Variants in TMTC1 observed in about 807,000 individuals in gnomAD.
TMTC1 encodes the protein protein O-mannosyl-transferase TMTC1.
In TMTC1, 73 loss-of-function variants were observed where a neutral mutation model predicts 104.8. The ratio of observed to expected loss-of-function variants is 0.70; its 90% CI spans 0.58 to 0.85. The LOEUF (loss-of-function observed/expected upper bound fraction) is 0.85, where lower values mean the gene tolerates loss of function less well. TMTC1 is among the 40% of genes least tolerant of loss of function. The pLI is 0.00. For synonymous variants in TMTC1, 434 were observed against 428.7 expected (o/e 1.01, Z -0.15); for missense variants, 1,035 against 1,096.1 (o/e 0.94, Z 0.79).
At chr12:29,589,120 C>T (rs543680855) in intron 7 of TMTC1, among the ~76,000 whole-genome samples, 9 of 152,326 alleles carry the variant, frequency 5.9e-5, no homozygotes, top group African/African-American at 1.7e-4. Context: ...ATTTACTGAG[C>T]GTGAGAAGAA....
intron 7 of TMTC1, among the ~76,000 whole-genome samples, chr12:29,592,918 T>C (rs749478952): frequency 1.1e-4 from 16 of 152,166 alleles, no homozygotes; most frequent in South Asian, 6.2e-4. Context: ...GAAACAGACA[T>C]GTCAAAACCA....
intron 9 of TMTC1, among the ~76,000 whole-genome samples, chr12:29,565,036 A>G (rs912300813): frequency 1.3e-5 from 2 of 152,148 alleles, no homozygotes; most frequent in African/African-American, 2.4e-5. Flanking sequence ...AAGCAACAGG[A>G]TGTGTATATT....
chr12:29,557,608 C>T (rs892712074), intron 9 of TMTC1, among the ~76,000 whole-genome samples: 6 of 152,192 alleles, frequency 3.9e-5, no homozygotes, highest in African/African-American at 1.4e-4. Context: ...CGCCACCACG[C>T]CCAGTTAATT....
chr12:29,740,945 A>G lies in TMTC1; in HGVS notation c.938+10721T>C, dbSNP rs189783798. Among the ~76,000 whole-genome samples the G allele has an allele frequency of 1.3e-4, 20 of 152,276 alleles. No individual in the cohort carries two copies. The East Asian group carries it at 3.5e-3, about 26-fold the overall frequency. ...CTCAAGTGTTGTTAGAGTCTAGTGT[A>G]TTTTTCTAAGAAATACTGCAAATTG... On this transcript the variant is annotated intron_variant, in intron 5 of 17. Coordinates refer to ENST00000539277, the MANE Select transcript of TMTC1 (RefSeq NM_001193451.2).
At chr12:29,514,418 A>C in intron 16 of TMTC1, 64 bp downstream of exon 16, 1 of 1,524,836 alleles carries the variant, frequency 6.6e-7, no homozygotes, top group South Asian at 1.3e-5. Context: ...GTTTCCTTAA[A>C]GATCAAAAGA....
At chr12:29,720,423 T>C (rs1942205398) in intron 5 of TMTC1, among the ~76,000 whole-genome samples, 1 of 152,050 alleles carries the variant, frequency 6.6e-6, no homozygotes, top group Non-Finnish European at 1.5e-5. Flanking sequence ...GTCTAGAAGA[T>C]CTGTAAATAT....
intron 1 of TMTC1, among the ~76,000 whole-genome samples, chr12:29,768,701 C>T (rs1445272061): frequency 5.9e-5 from 9 of 152,150 alleles, no homozygotes; most frequent in Admixed American, 5.2e-4. Flanking sequence ...GCATCATGTT[C>T]CACAATGTGT....
intron 6 of TMTC1, among the ~76,000 whole-genome samples, chr12:29,628,754 T>C (rs1938137412): frequency 6.6e-6 from 1 of 151,982 alleles, no homozygotes; most frequent in South Asian, 2.1e-4. Flanking sequence ...CTCCACCTCC[T>C]GGGTTCAAGA....
rs555904514 is a variant in TMTC1 at position 29,761,367 on chromosome 12, GAGAA to G, written c.481-2594_481-2591del. Among the ~76,000 whole-genome samples, 44 of 152,022 alleles carry G rather than the reference GAGAA, an allele frequency of 2.9e-4. 1 individual carries two copies. In the South Asian group the frequency reaches 8.7e-3, roughly 30 times the overall value. On this transcript the variant is annotated intron_variant, in intron 2 of 17. Transcript: ENST00000539277. ...TAAATAAGATTTTTATATATTGAGAGAGAAAGAGAGGAAGGTGATAAAACAAATG... is the reference window on the plus strand; with the variant it reads ...TAAATAAGATTTTTATATATTGAGAGAGAGAGGAAGGTGATAAAACAAATG...
intron 5 of TMTC1, among the ~76,000 whole-genome samples, chr12:29,713,298 C>A (rs1941983408): frequency 8.8e-6 from 1 of 113,858 alleles, no homozygotes; most frequent in African/African-American, 3.5e-5. Context: ...TACATAAACA[C>A]ATACACACAC....
chr12:29,522,308 G>A (rs984851002), intron 11 of TMTC1, among the ~76,000 whole-genome samples: 3 of 152,134 alleles, frequency 2.0e-5, no homozygotes, highest in African/African-American at 4.8e-5. Context: ...TCTGTAGAAT[G>A]ACCAATGCCA....
chr12:29,587,256 G>C (rs1187146464), intron 7 of TMTC1, among the ~76,000 whole-genome samples: 1 of 152,096 alleles, frequency 6.6e-6, no homozygotes, highest in Admixed American at 6.5e-5. Context: ...ATGGTAGTTT[G>C]TATTTCTGTG....
At chr12:29,552,016 CG>C (rs1171073784) in intron 10 of TMTC1, among the ~76,000 whole-genome samples, 1 of 152,064 alleles carries the variant, frequency 6.6e-6, no homozygotes, top group Admixed American at 6.5e-5. Context: ...GGTCTGAAGC[CG>C]TCTGTCATAT....
chr12:29,778,924 G>A (rs1943772308), intron 1 of TMTC1, among the ~76,000 whole-genome samples: 1 of 152,176 alleles, frequency 6.6e-6, no homozygotes, highest in South Asian at 2.1e-4. Flanking sequence ...TGGAAGAGAG[G>A]GTGAATGGAC....
chr12:29,660,124 T>G, intron 5 of TMTC1: 1 of 654,504 alleles, frequency 1.5e-6, no homozygotes, highest in Non-Finnish European at 2.6e-6. Flanking sequence ...TGGCTTGTAC[T>G]GACCAACAGA....
intron 2 of TMTC1, among the ~76,000 whole-genome samples, chr12:29,759,383 G>A (rs1233379761): frequency 6.6e-6 from 1 of 152,142 alleles, no homozygotes; most frequent in Non-Finnish European, 1.5e-5. Context: ...TGTAGTTCCA[G>A]TTACTCAGGA....
intron 11 of TMTC1, among the ~76,000 whole-genome samples, chr12:29,529,619 T>C (rs986508899): frequency 1.2e-4 from 19 of 152,192 alleles, no homozygotes; most frequent in African/African-American, 4.1e-4. Flanking sequence ...CAAGAAACTA[T>C]TCAAGACACA....
At chr12:29,605,010 TG>T (rs1479142650) in intron 6 of TMTC1, among the ~76,000 whole-genome samples, 1 of 152,182 alleles carries the variant, frequency 6.6e-6, no homozygotes, top group East Asian at 1.9e-4. Flanking sequence ...AAAAAACTTC[TG>T]TTTATTACTG....
chr12:29,590,659 C>A (rs1358863375), intron 7 of TMTC1, among the ~76,000 whole-genome samples: 1 of 152,132 alleles, frequency 6.6e-6, no homozygotes, highest in African/African-American at 2.4e-5. Context: ...GTGGTGCACG[C>A]CTGAAATCCC....
Sources: gnomAD v4.1 joint callset for allele counts (sites outside exome capture counted in the v4.1 genomes callset) on GRCh38, gnomAD v4.1.1 for gene constraint, MANE v1.5 for transcripts, NCBI Gene and HGNC (gene_info 2026-07-23, HGNC 2026-07-21) for gene names.